The following SYT9 variants were observed in gnomAD, a reference collection of about 807,000 sequenced individuals.
SYT9 encodes the protein synaptotagmin 9.
Under a neutral mutation model 48.4 loss-of-function variants are expected in SYT9, and 22 were observed. That is an observed-to-expected ratio of 0.45 (90% CI 0.32 to 0.65). SYT9 has a LOEUF of 0.65. SYT9 is among the 30% of genes least tolerant of loss of function. The pLI, the probability that SYT9 is intolerant of heterozygous loss-of-function variation, is 0.03. For synonymous variants in SYT9, 265 were observed against 245.0 expected, an observed-to-expected ratio of 1.08 and a Z score of -0.76; for missense variants, 577 against 622.0, an observed-to-expected ratio of 0.93 and a Z score of 0.77.
At chr11:7,446,661 C>G (rs1188231916) in intron 6 of SYT9, among the ~76,000 whole-genome samples, 2 of 152,226 alleles carry the variant, frequency 1.3e-5, no homozygotes, top group East Asian at 3.9e-4. Flanking sequence ...CCATCCCCCC[C>G]AGCCTCTCTG....
intron 3 of SYT9, among the ~76,000 whole-genome samples, chr11:7,388,162 C>T (rs889633874): frequency 2.6e-5 from 4 of 152,122 alleles, no homozygotes; most frequent in East Asian, 1.9e-4. Flanking sequence ...TTTTTAATTA[C>T]GGATTCAGTT....
At chr11:7,459,034 A>G (rs1848198366) in intron 6 of SYT9, among the ~76,000 whole-genome samples, 1 of 152,218 alleles carries the variant, frequency 6.6e-6, no homozygotes, top group Non-Finnish European at 1.5e-5. Context: ...AGAAGCAAGG[A>G]ACATGGTGAG....
At chr11:7,242,784 C>A (rs1209124976) in intron 1 of SYT9, among the ~76,000 whole-genome samples, 1 of 152,224 alleles carries the variant, frequency 6.6e-6, no homozygotes, top group East Asian at 1.9e-4. Flanking sequence ...AGGTGGCTTA[C>A]ACCTGTAATC....
chr11:7,379,910 T>C (rs1196877411), intron 3 of SYT9, among the ~76,000 whole-genome samples: 1 of 152,120 alleles, frequency 6.6e-6, no homozygotes, highest in Non-Finnish European at 1.5e-5. Flanking sequence ...AAAATTGAGC[T>C]ACCATATGAT....
chr11:7,400,168 G>A (rs1010642297), intron 3 of SYT9, among the ~76,000 whole-genome samples: 1 of 152,196 alleles, frequency 6.6e-6, no homozygotes, highest in Non-Finnish European at 1.5e-5. Flanking sequence ...CATGGATGTG[G>A]AGTGTTTTCA....
intron 1 of SYT9, among the ~76,000 whole-genome samples, chr11:7,267,513 G>A (rs1012273390): frequency 6.6e-6 from 1 of 151,634 alleles, no homozygotes; most frequent in African/African-American, 2.4e-5. Context: ...GAGATCTCTT[G>A]AGTTAAAAAA....
intron 3 of SYT9, among the ~76,000 whole-genome samples, chr11:7,382,779 G>A (rs964252452): frequency 2.0e-5 from 3 of 152,104 alleles, no homozygotes; most frequent in African/African-American, 7.2e-5. Flanking sequence ...TTTTCAAATT[G>A]GGGCTAGTCC....
chr11:7,342,059 T>C (rs1354248197), intron 3 of SYT9, among the ~76,000 whole-genome samples: 1 of 152,082 alleles, frequency 6.6e-6, no homozygotes, highest in Non-Finnish European at 1.5e-5. Flanking sequence ...CCCCCATGAT[T>C]CAATTATCTC....
At chr11:7,394,412 T>G (rs10743019) in intron 3 of SYT9, among the ~76,000 whole-genome samples, 1 of 151,956 alleles carries the variant, frequency 6.6e-6, no homozygotes, top group African/African-American at 2.4e-5. Context: ...AATAGTGCCG[T>G]GATAAACATA....
At chr11:7,367,072 CTTTTTTT>C (rs35502843) in intron 3 of SYT9, among the ~76,000 whole-genome samples, 2 of 53,266 alleles carry the variant, frequency 3.8e-5, no homozygotes, top group Non-Finnish European at 7.2e-5. Context: ...AGGAGACCAT[CTTTTTTT>C]TTTTTTTTTT....
At chr11:7,423,981 T>C in intron 6 of SYT9, among the ~76,000 whole-genome samples, 1 of 151,992 alleles carries the variant, frequency 6.6e-6, no homozygotes, top group East Asian at 1.9e-4. Context: ...TGAGCATGTG[T>C]GTATGGAAGA....
intron 6 of SYT9, among the ~76,000 whole-genome samples, chr11:7,462,504 C>T (rs1848254130): frequency 6.6e-6 from 1 of 152,146 alleles, no homozygotes; most frequent in African/African-American, 2.4e-5. Context: ...AGAATGTCCT[C>T]TTTACAGAAA....
At chr11:7,372,349 G>C (rs1850377945) in intron 3 of SYT9, among the ~76,000 whole-genome samples, 1 of 152,020 alleles carries the variant, frequency 6.6e-6, no homozygotes, top group East Asian at 1.9e-4. Flanking sequence ...GATCTCACAT[G>C]TCACCCAGGC....
chr11:7,343,552 A>G (rs1487129772), intron 3 of SYT9, among the ~76,000 whole-genome samples: 1 of 152,210 alleles, frequency 6.6e-6, no homozygotes, highest in Non-Finnish European at 1.5e-5. Flanking sequence ...ATGGTCCATT[A>G]TCAGCATTTT....
chr11:7,411,043 C>T (rs181350372), intron 3 of SYT9, among the ~76,000 whole-genome samples: 9 of 152,090 alleles, frequency 5.9e-5, no homozygotes, highest in East Asian at 1.9e-4. Context: ...TTAGGAAAGA[C>T]GGGGTTTCAC....
intron 1 of SYT9, among the ~76,000 whole-genome samples, chr11:7,255,512 A>G (rs1371120263): frequency 6.6e-6 from 1 of 152,234 alleles, no homozygotes; most frequent in Non-Finnish European, 1.5e-5. Flanking sequence ...TTAGGAAGCT[A>G]TTTCAGAAAT....
chr11:7,335,004 C>T (rs1414415925), intron 3 of SYT9, among the ~76,000 whole-genome samples: 1 of 152,090 alleles, frequency 6.6e-6, no homozygotes, highest in African/African-American at 2.4e-5. Context: ...GAATAGACTG[C>T]TGGATTAGAT....
chr11:7,397,866 T>C (rs1406851078), intron 3 of SYT9, among the ~76,000 whole-genome samples: 2 of 152,222 alleles, frequency 1.3e-5, no homozygotes, highest in Non-Finnish European at 2.9e-5. Flanking sequence ...AACTTATTTG[T>C]TTTAGTAGCA....
At chr11:7,293,065 G>T (rs1403914063) in intron 1 of SYT9, among the ~76,000 whole-genome samples, 1 of 152,174 alleles carries the variant, frequency 6.6e-6, no homozygotes, top group Non-Finnish European at 1.5e-5. Context: ...CAATGCAGGG[G>T]TGGTGATGCC....
Sources: gnomAD v4.1 joint callset for allele counts (sites outside exome capture counted in the v4.1 genomes callset) on GRCh38, gnomAD v4.1.1 for gene constraint, MANE v1.5 for transcripts, NCBI Gene and HGNC (gene_info 2026-07-23, HGNC 2026-07-21) for gene names.